Variants in MIPEP observed in about 807,000 individuals in gnomAD.
MIPEP encodes the protein mitochondrial intermediate peptidase.
In MIPEP, 79 loss-of-function variants were observed where a neutral mutation model predicts 90.3. The ratio of observed to expected loss-of-function variants is 0.87; its 90% CI spans 0.73 to 1.05. The LOEUF is 1.05. Ranked by LOEUF, MIPEP falls within the 50% of genes least tolerant of loss-of-function variation. The pLI, the probability that MIPEP is intolerant of heterozygous loss-of-function variation, is 0.00. For missense variants in MIPEP, 940 were observed against 905.6 expected (o/e 1.04, Z -0.49); for synonymous variants, 334 against 315.8 (o/e 1.06, Z -0.61).
intron 16 of MIPEP, among the ~76,000 whole-genome samples, chr13:23,804,617 C>T (rs1953084856): frequency 6.6e-6 from 1 of 152,106 alleles, no homozygotes; most frequent in South Asian, 2.1e-4. Flanking sequence ...ATACCTGTAG[C>T]AGATAATTAA....
At chr13:23,841,963 C>A (rs1484524421) in intron 10 of MIPEP, among the ~76,000 whole-genome samples, 1 of 152,140 alleles carries the variant, frequency 6.6e-6, no homozygotes, top group South Asian at 2.1e-4. Flanking sequence ...GTAAAATATT[C>A]ATTTATGAAA....
chr13:23,776,072 T>C (rs1952712374), intron 16 of MIPEP, among the ~76,000 whole-genome samples: 2 of 152,224 alleles, frequency 1.3e-5, no homozygotes, highest in African/African-American at 4.8e-5. Flanking sequence ...GTTTTCTCCC[T>C]GCCTTCAATC....
At chr13:23,790,002 T>G (rs1952883886) in intron 16 of MIPEP, among the ~76,000 whole-genome samples, 2 of 152,222 alleles carry the variant, frequency 1.3e-5, no homozygotes, top group South Asian at 4.1e-4. Context: ...CTGCCTTCTT[T>G]GAAGGTTCCT....
At chr13:23,843,986 G>A (rs561207388) in intron 10 of MIPEP, among the ~76,000 whole-genome samples, 2 of 152,226 alleles carry the variant, frequency 1.3e-5, no homozygotes, top group South Asian at 4.2e-4. Flanking sequence ...GAAGAGAGGA[G>A]GGTGAGGTGC....
At chr13:23,805,395 A>G (rs1953096912) in intron 16 of MIPEP, among the ~76,000 whole-genome samples, 1 of 152,242 alleles carries the variant, frequency 6.6e-6, no homozygotes, top group South Asian at 2.1e-4. Flanking sequence ...ATACAAGGAT[A>G]TAATTTAATT....
chr13:23,889,120 T>C lies in MIPEP; in HGVS notation c.189+12A>G. On this transcript the variant is annotated intron_variant, in intron 1 of 18. Transcript: ENST00000382172. ...CTCGGGGACTGAGGGGAGCTCCTCC[T>C]GCGCCGCTCACCCGGCGCTCGCCGA... 1 of 1,408,416 alleles carries C rather than the reference T, an allele frequency of 7.1e-7. No homozygotes were observed. Among genetic ancestry groups the C allele is most frequent in the African/African-American group, 1.5e-5 (1 of 65,824 alleles). The allele number at this position is 1,408,416 out of a possible 1,614,324, so 87.2% of individuals were successfully genotyped here. A position where few individuals can be genotyped will look rare whatever the true frequency, so the allele number is the denominator to read the frequency against.
At chr13:23,764,689 C>G (rs553009353) in intron 16 of MIPEP, among the ~76,000 whole-genome samples, 1 of 151,616 alleles carries the variant, frequency 6.6e-6, no homozygotes, top group East Asian at 1.9e-4. Flanking sequence ...TCCTGAGTAG[C>G]TGGGACCACA....
rs78444763 is a variant in MIPEP, at chr13:23,736,723, G to A, written c.2045-6278C>T. On this transcript the variant is annotated intron_variant, in intron 18 of 18. Transcript: ENST00000382172. ...TGACCTGCAGACAGCTGGCCTAGACGGGGCTCATCAGAGAGAACACCAGCC... is the reference window on the plus strand; with the variant it reads ...TGACCTGCAGACAGCTGGCCTAGACAGGGCTCATCAGAGAGAACACCAGCC... Among the ~76,000 whole-genome samples, 363 of 152,214 alleles carry A rather than the reference G, an allele frequency of 2.4e-3. 2 individuals carry two copies. The highest frequency in any genetic ancestry group is 8.2e-3 in the African/African-American group (340 of 41,510).
intron 14 of MIPEP, among the ~76,000 whole-genome samples, chr13:23,818,710 T>A (rs1447448072): frequency 6.6e-6 from 1 of 152,226 alleles, no homozygotes; most frequent in Non-Finnish European, 1.5e-5. Context: ...CTGTGATTGG[T>A]ACAAGGGTAG....
At chr13:23,779,322 T>C (rs1952751720) in intron 16 of MIPEP, among the ~76,000 whole-genome samples, 1 of 152,140 alleles carries the variant, frequency 6.6e-6, no homozygotes, top group Non-Finnish European at 1.5e-5. Flanking sequence ...TATGTTTTCA[T>C]TAGAATTTCC....
At chr13:23,863,257 A>G (rs1023493591) in intron 8 of MIPEP, among the ~76,000 whole-genome samples, 4 of 152,228 alleles carry the variant, frequency 2.6e-5, no homozygotes, top group African/African-American at 4.8e-5. Flanking sequence ...CTGCCTCTCA[A>G]CTAAGGCCTA....
intron 10 of MIPEP, among the ~76,000 whole-genome samples, chr13:23,847,045 C>A (rs1869578328): frequency 6.6e-6 from 1 of 152,124 alleles, no homozygotes; most frequent in Admixed American, 6.6e-5. Flanking sequence ...TGAGACCATC[C>A]TTTATAACTG....
intron 14 of MIPEP, among the ~76,000 whole-genome samples, chr13:23,824,947 T>C (rs991005953): frequency 2.0e-5 from 3 of 152,228 alleles, no homozygotes; most frequent in African/African-American, 7.2e-5. Flanking sequence ...AACATTTTAA[T>C]GTGTGATAGG....
At chr13:23,795,179 A>T (rs949863018) in intron 16 of MIPEP, among the ~76,000 whole-genome samples, 2 of 151,842 alleles carry the variant, frequency 1.3e-5, no homozygotes, top group African/African-American at 4.9e-5. Context: ...GGGGCATAAG[A>T]ATAGGAGGAA....
chr13:23,777,623 G>A (rs1179012598), intron 16 of MIPEP, among the ~76,000 whole-genome samples: 1 of 152,156 alleles, frequency 6.6e-6, no homozygotes, highest in Non-Finnish European at 1.5e-5. Flanking sequence ...TTTGAGATAA[G>A]AAGTTATTAA....
intron 1 of MIPEP, among the ~76,000 whole-genome samples, chr13:23,887,140 T>C (rs1271798558): frequency 6.6e-6 from 1 of 152,202 alleles, no homozygotes; most frequent in African/African-American, 2.4e-5. Flanking sequence ...AAAAATGTAA[T>C]GAACATATTA....
chr13:23,750,629 T>C (rs2138503720), intron 18 of MIPEP, among the ~76,000 whole-genome samples: 1 of 152,338 alleles, frequency 6.6e-6, no homozygotes, highest in East Asian at 1.9e-4. Context: ...CCGCTGTCTC[T>C]AGAGTGCTCT....
At chr13:23,768,296 T>C (rs1180413148) in intron 16 of MIPEP, among the ~76,000 whole-genome samples, 2 of 152,242 alleles carry the variant, frequency 1.3e-5, no homozygotes, top group South Asian at 2.1e-4. Flanking sequence ...TGTGTATGTA[T>C]GACACCTGTA....
Position 23,775,109 on chromosome 13 carries a change from C to CTCTCTGTGTG in MIPEP, c.1849-14893_1849-14892insCACACAGAGA, listed in dbSNP as rs1375320068. On this transcript the variant is annotated intron_variant, in intron 16 of 18. Transcript: ENST00000382172. ...TCACTGCACCCAGCCTATCAGTTCT[C>CTCTCTGTGTG]TGTGTGTGTGTGTGTGTGTGTGTGT... 2.0e-3 allele frequency among the ~76,000 whole-genome samples: 294 copies of CTCTCTGTGTG among 149,188 alleles called. 2 individuals are homozygous for CTCTCTGTGTG. The highest frequency in any genetic ancestry group is 7.1e-3 in the African/African-American group (287 of 40,434).
Sources: gnomAD v4.1 joint callset for allele counts (sites outside exome capture counted in the v4.1 genomes callset) on GRCh38, gnomAD v4.1.1 for gene constraint, MANE v1.5 for transcripts, NCBI Gene and HGNC (gene_info 2026-07-23, HGNC 2026-07-21) for gene names.